The following HIVEP3 variants were observed in gnomAD, a reference collection of about 807,000 sequenced individuals.
HIVEP3 encodes the protein transcription factor HIVEP3.
In HIVEP3, 49 loss-of-function variants were observed where a neutral mutation model predicts 152.8. The observed-to-expected ratio is 0.32, with a 90% CI of 0.26 to 0.41. HIVEP3 has a LOEUF of 0.41. HIVEP3 is among the 10% of genes least tolerant of loss of function. The probability of loss-of-function intolerance (pLI) is 1.00; values close to 1 mark genes in which losing one functional copy is unlikely to be tolerated. For missense variants in HIVEP3, 2,790 were observed against 3,103.3 expected, an observed-to-expected ratio of 0.90 and a Z score of 2.40; for synonymous variants, 1,269 against 1,289.0, an observed-to-expected ratio of 0.98 and a Z score of 0.33.
intron 1 of HIVEP3, among the ~76,000 whole-genome samples, chr1:41,711,778 G>A (rs555742576): frequency 2.0e-5 from 3 of 152,272 alleles, no homozygotes; most frequent in South Asian, 4.1e-4. Context: ...TGCCCACCAC[G>A]TGGCTGGCAG....
rs751350911 is a variant in HIVEP3 at position 41,583,099 on chromosome 1, T to C, written c.1699A>G (p.Ile567Val). 6 of 1,613,436 alleles carry C rather than the reference T, an allele frequency of 3.7e-6. No homozygotes were observed. In the East Asian group the frequency reaches 1.1e-4, roughly 30 times the overall value. The change falls in exon 4 of 9, where the codon ATC (isoleucine) becomes GTC (valine). Residue 567 changes from isoleucine (I) to valine (V), a missense_variant. Coordinates refer to ENST00000372583, the MANE Select transcript of HIVEP3 (RefSeq NM_024503.5). The surrounding 1 kb of genome is among the most constrained non-coding windows in gnomAD (Gnocchi z 6.9). ...TGGCTCAGGGCTTCGGAGTCGGTGA[T>C]ATGGTCATCGAAGGAGTAGCTACCT... ...FRGSYSFDDHITDSEALSHSS... is the reference protein window; with the variant it reads ...FRGSYSFDDHVTDSEALSHSS...
At chr1:41,795,147 T>C (rs1649914546) in intron 1 of HIVEP3, among the ~76,000 whole-genome samples, 1 of 152,260 alleles carries the variant, frequency 6.6e-6, no homozygotes, top group African/African-American at 2.4e-5. Context: ...GTCCTTTTTG[T>C]CTTCCAGTAT....
At chr1:41,768,156 G>A (rs948023571) in intron 1 of HIVEP3, among the ~76,000 whole-genome samples, 4 of 152,242 alleles carry the variant, frequency 2.6e-5, no homozygotes, top group East Asian at 1.9e-4. Context: ...ACTGAGACTC[G>A]GAAGAAAAAG....
At chr1:41,518,334 G>A in intron 7 of HIVEP3, 68 bp downstream of exon 7, 3 of 1,343,814 alleles carry the variant, frequency 2.2e-6, no homozygotes, top group African/African-American at 1.4e-5. Context: ...AAGGCAAGCA[G>A]GAAAGGTGGA....
chr1:41,977,694 A>G (rs1024646174), intron 1 of HIVEP3, among the ~76,000 whole-genome samples: 1 of 152,228 alleles, frequency 6.6e-6, no homozygotes, highest in Non-Finnish European at 1.5e-5. Context: ...CAGTGCTGTG[A>G]GAGGACCAGA....
At chr1:41,650,067 C>A (rs558744958) in intron 2 of HIVEP3, among the ~76,000 whole-genome samples, 1 of 152,090 alleles carries the variant, frequency 6.6e-6, no homozygotes, top group Non-Finnish European at 1.5e-5. Context: ...TAAGATTCAC[C>A]CTTGGAATGT....
chr1:41,978,220 C>T (rs1394992255), intron 1 of HIVEP3, among the ~76,000 whole-genome samples: 2 of 152,134 alleles, frequency 1.3e-5, no homozygotes, highest in African/African-American at 4.8e-5. Context: ...GTTCTCAACC[C>T]TTGTGGATCT....
At chr1:41,817,101 T>C (rs1642426083) in intron 1 of HIVEP3, among the ~76,000 whole-genome samples, 1 of 152,220 alleles carries the variant, frequency 6.6e-6, no homozygotes, top group African/African-American at 2.4e-5. Flanking sequence ...CTGGTGCCCA[T>C]CATAGCACTT....
intron 1 of HIVEP3, among the ~76,000 whole-genome samples, chr1:41,838,629 G>A (rs1643197088): frequency 6.6e-6 from 1 of 152,104 alleles, no homozygotes; most frequent in African/African-American, 2.4e-5. Flanking sequence ...TCCTAGGGAG[G>A]CAGCATCTCC....
Position 41,928,528 on chromosome 1 carries a change from T to C in HIVEP3, n.120-10004A>G, listed in dbSNP as rs147811822. Among the ~76,000 whole-genome samples the C allele has an allele frequency of 1.6e-3, 251 of 152,346 alleles. 1 individual carries two copies. Among genetic ancestry groups the C allele is most frequent in the African/African-American group, 5.9e-3 (247 of 41,584 alleles). ...ATTGGTACAATAGTATTAATTGACC[T>C]ACAGAATTTTCTCTAATGTTACCAG... On this transcript the variant is annotated intron_variant and non_coding_transcript_variant, in intron 1 of 3. Coordinates refer to the HIVEP3 transcript ENST00000489103.
At chr1:41,699,717 C>T (rs1330295539) in intron 2 of HIVEP3, among the ~76,000 whole-genome samples, 2 of 152,134 alleles carry the variant, frequency 1.3e-5, no homozygotes, top group Admixed American at 1.3e-4. Flanking sequence ...GACACTTCAG[C>T]ACGGGGTGTC....
chr1:41,799,646 C>T (rs1262939089), intron 1 of HIVEP3, among the ~76,000 whole-genome samples: 1 of 152,148 alleles, frequency 6.6e-6, no homozygotes, highest in Non-Finnish European at 1.5e-5. Context: ...TCCCATCTCC[C>T]TTTAATACAT....
intron 1 of HIVEP3, among the ~76,000 whole-genome samples, chr1:41,907,981 G>A (rs1487465579): frequency 6.6e-6 from 1 of 152,190 alleles, no homozygotes; most frequent in African/African-American, 2.4e-5. Context: ...TCCAGGTGGT[G>A]AAGCCTATAA....
Position 41,560,135 on chromosome 1 carries a change from A to G in HIVEP3, c.5207+15409T>C, listed in dbSNP as rs141040469. Among the ~76,000 whole-genome samples the G allele has an allele frequency of 7.9e-5, 12 of 152,368 alleles. 1 individual carries two copies. In the East Asian group the frequency reaches 2.3e-3, roughly 29 times the overall value. ...TCAGAGAAGTAAATATTGATAATTCAGAAAAAGAGGTCAACTTTCTACATG... is the reference window on the plus strand; with the variant it reads ...TCAGAGAAGTAAATATTGATAATTCGGAAAAAGAGGTCAACTTTCTACATG... On this transcript the variant is annotated intron_variant, in intron 5 of 8. Coordinates refer to ENST00000372583, the MANE Select transcript of HIVEP3 (RefSeq NM_024503.5).
chr1:41,725,105 A>G (rs888426738), intron 1 of HIVEP3, among the ~76,000 whole-genome samples: 1 of 152,234 alleles, frequency 6.6e-6, no homozygotes, highest in African/African-American at 2.4e-5. Flanking sequence ...AGTGAATGAG[A>G]AAGGCAGAAT....
intron 1 of HIVEP3, among the ~76,000 whole-genome samples, chr1:41,768,311 C>G (rs1648137105): frequency 6.6e-6 from 1 of 152,212 alleles, no homozygotes; most frequent in African/African-American, 2.4e-5. Context: ...TTAAAACCAT[C>G]AGATCTCATG....
chr1:41,859,921 G>A (rs1643866824), intron 1 of HIVEP3, among the ~76,000 whole-genome samples: 3 of 152,218 alleles, frequency 2.0e-5, no homozygotes, highest in Admixed American at 1.3e-4. Context: ...CGCTGGGAAG[G>A]GTTGAGCAGG....
At chr1:41,548,515 T>A (rs563943936) in intron 5 of HIVEP3, among the ~76,000 whole-genome samples, 2 of 150,218 alleles carry the variant, frequency 1.3e-5, no homozygotes, top group South Asian at 4.3e-4. Flanking sequence ...CAACCTAAAA[T>A]GTACCACTTG....
chr1:41,900,410 C>T (rs2124452449), intron 1 of HIVEP3, among the ~76,000 whole-genome samples: 1 of 152,238 alleles, frequency 6.6e-6, no homozygotes, highest in Non-Finnish European at 1.5e-5. Context: ...AGCAATCCTC[C>T]CTTGGGGGTA....
Sources: gnomAD v4.1 joint callset for allele counts (sites outside exome capture counted in the v4.1 genomes callset) on GRCh38, gnomAD v4.1.1 for gene constraint, Gnocchi (gnomAD v3.1) non-coding constraint, MANE v1.5 for transcripts, NCBI Gene and HGNC (gene_info 2026-07-23, HGNC 2026-07-21) for gene names.